Variants in RBFOX3 observed in about 807,000 individuals in gnomAD.
RBFOX3 encodes RNA binding fox-1 homolog 3.
Under a neutral mutation model 48.7 loss-of-function variants are expected in RBFOX3, and 17 were observed. The observed-to-expected ratio is 0.35, with a 90% CI of 0.24 to 0.52. The LOEUF is 0.52. Ranked by LOEUF, RBFOX3 falls within the 20% of genes least tolerant of loss-of-function variation. RBFOX3 has a pLI of 0.94. For synonymous variants in RBFOX3, 212 were observed against 209.5 expected (o/e 1.01, Z -0.10); for missense variants, 382 against 497.5 (o/e 0.77, Z 2.21).
intron 3 of RBFOX3, among the ~76,000 whole-genome samples, chr17:79,273,155 G>T (rs2068048446): frequency 6.6e-6 from 1 of 152,114 alleles, no homozygotes; most frequent in Non-Finnish European, 1.5e-5. Flanking sequence ...GGGTGGCACT[G>T]CCCTGCCTGT....
At chr17:79,612,806 C>T (rs1485328352), upstream of RBFOX3, among the ~76,000 whole-genome samples, 1 of 152,208 alleles carries the variant, frequency 6.6e-6, no homozygotes, top group African/African-American at 2.4e-5. Flanking sequence ...GCCTCCAACT[C>T]CCGGCTGGGC....
intron 3 of RBFOX3, among the ~76,000 whole-genome samples, chr17:79,240,985 A>AT (rs1246615601): frequency 3.9e-5 from 5 of 128,168 alleles, no homozygotes; most frequent in East Asian, 2.9e-4. Flanking sequence ...ATTAAAAAAA[A>AT]ATTTTTTTTG....
At chr17:79,463,487 G>A (rs879976257) in intron 2 of RBFOX3, among the ~76,000 whole-genome samples, 18 of 46,638 alleles carry the variant, frequency 3.9e-4, no homozygotes, top group South Asian at 8.6e-4. Flanking sequence ...CACTGCCATC[G>A]CCACTGCCAC....
chr17:79,622,134 C>T, the RBFOX3 span, among the ~76,000 whole-genome samples: 25 of 152,012 alleles, frequency 1.6e-4, no homozygotes, highest in Non-Finnish European at 3.2e-4. Context: ...TTCAGCCATG[C>T]ACATGTTACT....
At chr17:79,578,555 G>A (rs985619818) in intron 1 of RBFOX3, among the ~76,000 whole-genome samples, 5 of 152,204 alleles carry the variant, frequency 3.3e-5, no homozygotes, top group Non-Finnish European at 7.3e-5. Context: ...TGGACGGGCC[G>A]GCCATCCTGA....
intron 2 of RBFOX3, among the ~76,000 whole-genome samples, chr17:79,456,487 G>A (rs915075684): frequency 1.3e-5 from 2 of 151,686 alleles, no homozygotes; most frequent in African/African-American, 4.8e-5. Context: ...GAGAGAACCC[G>A]CCCCAGACCA....
At chr17:79,143,576 G>T (rs760706754) in intron 4 of RBFOX3, among the ~76,000 whole-genome samples, 10 of 152,166 alleles carry the variant, frequency 6.6e-5, no homozygotes, top group Non-Finnish European at 1.3e-4. Flanking sequence ...TTGGCCACCA[G>T]AATCGGGGTT....
At chr17:79,384,632 G>C (rs997980626) in intron 2 of RBFOX3, among the ~76,000 whole-genome samples, 3 of 152,196 alleles carry the variant, frequency 2.0e-5, no homozygotes, top group Admixed American at 1.3e-4. Flanking sequence ...TGCGCATCTG[G>C]GGACCAAGGC....
chr17:79,165,302 T>C (rs569928591), intron 4 of RBFOX3, among the ~76,000 whole-genome samples: 2 of 152,306 alleles, frequency 1.3e-5, no homozygotes, highest in African/African-American at 4.8e-5. Flanking sequence ...AGTTTCTCAT[T>C]TGAAAGTTAA....
chr17:79,621,451 C>T, the RBFOX3 span, among the ~76,000 whole-genome samples: 3 of 152,206 alleles, frequency 2.0e-5, no homozygotes, highest in African/African-American at 7.2e-5. Flanking sequence ...TACACATTTT[C>T]AAGGTGCAGA....
At chr17:79,269,072 C>T (rs890714422) in intron 3 of RBFOX3, among the ~76,000 whole-genome samples, 7 of 152,240 alleles carry the variant, frequency 4.6e-5, no homozygotes, top group African/African-American at 1.7e-4. Context: ...GTGGGCTTTA[C>T]ATCCAATCAC....
intron 1 of RBFOX3, among the ~76,000 whole-genome samples, chr17:79,501,863 C>T (rs960735727): frequency 2.0e-5 from 3 of 152,170 alleles, no homozygotes; most frequent in Middle Eastern, 3.4e-3. Context: ...AGAGGGAAAA[C>T]GGGGGAGATA....
Position 79,591,682 on chromosome 17 carries a change from C to G in RBFOX3, c.-320+19144G>C, listed in dbSNP as rs979862789. On this transcript the variant is annotated intron_variant, in intron 1 of 14. Coordinates refer to ENST00000693108, the MANE Select transcript of RBFOX3 (RefSeq NM_001350451.2). ...CGCCTTTGCTTGGAGCCCCTGAAAA[C>G]AGAGCCTGGGGCAAGGGTTGGGGCA... Among the ~76,000 whole-genome samples, 3 of 152,306 alleles carry G rather than the reference C, an allele frequency of 2.0e-5. No homozygotes were observed. The South Asian group carries it at 6.2e-4, about 32-fold the overall frequency.
At chr17:79,354,447 G>A (rs888358133) in intron 2 of RBFOX3, among the ~76,000 whole-genome samples, 1 of 152,236 alleles carries the variant, frequency 6.6e-6, no homozygotes, top group African/African-American at 2.4e-5. Context: ...CCTGGAGCAG[G>A]AGAGTGAGGA....
intron 1 of RBFOX3, among the ~76,000 whole-genome samples, chr17:79,607,848 AAG>A (rs1188004222): frequency 6.6e-6 from 1 of 152,200 alleles, no homozygotes; most frequent in Non-Finnish European, 1.5e-5. Context: ...CTAGACACCA[AAG>A]AGCCCGATAA....
At chr17:79,653,082 G>A in the RBFOX3 span, among the ~76,000 whole-genome samples, 19 of 152,226 alleles carry the variant, frequency 1.2e-4, no homozygotes, top group African/African-American at 4.6e-4. Context: ...CCAGGATTCT[G>A]TACTCAACCA....
chr17:79,470,646 C>G (rs1555756464), intron 2 of RBFOX3, among the ~76,000 whole-genome samples: 1 of 152,088 alleles, frequency 6.6e-6, no homozygotes, highest in Non-Finnish European at 1.5e-5. Flanking sequence ...GCTGGCCACA[C>G]AGCCCACGCA....
intron 1 of RBFOX3, among the ~76,000 whole-genome samples, chr17:79,546,167 T>C (rs1555791822): frequency 3.3e-5 from 5 of 152,188 alleles, no homozygotes; most frequent in Non-Finnish European, 5.9e-5. Flanking sequence ...CCCTGATCTA[T>C]ATTCCACCTG....
intron 4 of RBFOX3, among the ~76,000 whole-genome samples, chr17:79,157,365 A>C (rs1055750650): frequency 3.9e-5 from 6 of 152,164 alleles, no homozygotes; most frequent in African/African-American, 1.4e-4. Flanking sequence ...CCGTCCATGC[A>C]CCCCTTCCAC....
Sources: gnomAD v4.1 joint callset for allele counts (sites outside exome capture counted in the v4.1 genomes callset) on GRCh38, gnomAD v4.1.1 for gene constraint, MANE v1.5 for transcripts, NCBI Gene and HGNC (gene_info 2026-07-23, HGNC 2026-07-21) for gene names.